Variants in MELK observed in about 807,000 individuals in gnomAD.
MELK encodes the protein maternal embryonic leucine zipper kinase.
Under a neutral mutation model 85.0 loss-of-function variants are expected in MELK, and 81 were observed. The ratio of observed to expected loss-of-function variants is 0.95; its 90% CI spans 0.80 to 1.15. The LOEUF (loss-of-function observed/expected upper bound fraction) is 1.15. MELK is among the 50% of genes most tolerant of loss of function. MELK has a pLI of 0.00. For synonymous variants in MELK, 252 were observed against 265.0 expected, an observed-to-expected ratio of 0.95 and a Z score of 0.48; for missense variants, 754 against 777.5, an observed-to-expected ratio of 0.97 and a Z score of 0.36.
Position 36,599,816 on chromosome 9 carries a change from G to T in MELK, c.567+330G>T, listed in dbSNP as rs376931564. ...AGGTTCCAGGCTCAGTTTCAGAGAT[G>T]CTGGTTAGCACAGAGAAAACCTGTG... On this transcript the variant is annotated intron_variant, in intron 7 of 17. Transcript: ENST00000298048. Among the ~76,000 whole-genome samples, 59 of 152,330 alleles carry T rather than the reference G, an allele frequency of 3.9e-4. No individual in the cohort carries two copies. The South Asian group carries it at 7.9e-3, about 20-fold the overall frequency.
intron 7 of MELK, 137 bp downstream of exon 7, chr9:36,599,623 G>A (rs1425084869): frequency 1.2e-5 from 7 of 562,710 alleles, no homozygotes; most frequent in Non-Finnish European, 1.6e-5. Context: ...CAGTCTATTT[G>A]GAGAGTGAGA....
At chr9:36,592,175 T>TTC (rs1554716269) in intron 4 of MELK, among the ~76,000 whole-genome samples, 1 of 145,338 alleles carries the variant, frequency 6.9e-6, no homozygotes, top group Non-Finnish European at 1.5e-5. Context: ...TTCTTTTCTT[T>TTC]TTTTTTTTTT....
At chr9:36,669,782 G>T (rs1832728345) in intron 15 of MELK, among the ~76,000 whole-genome samples, 1 of 152,154 alleles carries the variant, frequency 6.6e-6, no homozygotes, top group South Asian at 2.1e-4. Context: ...TTGTTTCAAA[G>T]AAAATCCTCT....
At chr9:36,673,480 G>A (rs1282105754) in intron 16 of MELK, among the ~76,000 whole-genome samples, 1 of 152,020 alleles carries the variant, frequency 6.6e-6, no homozygotes, top group East Asian at 1.9e-4. Context: ...CCAGGCTGTG[G>A]TGCAATGGCA....
At chr9:36,584,318 T>C (rs1244876427) in intron 3 of MELK, among the ~76,000 whole-genome samples, 6 of 119,520 alleles carry the variant, frequency 5.0e-5, no homozygotes, top group Non-Finnish European at 1.1e-4. Flanking sequence ...TTTCTTTTCT[T>C]TACTTTTTTT....
At chr9:36,672,972 T>TC (rs1435285186) in intron 16 of MELK, among the ~76,000 whole-genome samples, 1 of 152,242 alleles carries the variant, frequency 6.6e-6, no homozygotes, top group Non-Finnish European at 1.5e-5. Flanking sequence ...TTATTTTTTT[T>TC]CACCTACTTC....
intron 3 of MELK, among the ~76,000 whole-genome samples, chr9:36,588,918 G>C (rs1302791698): frequency 6.6e-6 from 1 of 152,168 alleles, no homozygotes; most frequent in East Asian, 1.9e-4. Flanking sequence ...GAGGCTGAAA[G>C]TGGTAGCTCA....
chr9:36,675,523 T>C (rs1833270132), intron 17 of MELK, among the ~76,000 whole-genome samples: 1 of 152,258 alleles, frequency 6.6e-6, no homozygotes, highest in Admixed American at 6.5e-5. Flanking sequence ...TTTGATTGTC[T>C]GCTTTACAAT....
intron 8 of MELK, among the ~76,000 whole-genome samples, chr9:36,621,112 T>TA (rs1454242015): frequency 2.0e-5 from 3 of 150,382 alleles, no homozygotes; most frequent in Non-Finnish European, 3.0e-5. Context: ...CTACTAAAAA[T>TA]ACAAAAAAAT....
chr9:36,575,483 A>G (rs1384385626), intron 1 of MELK, among the ~76,000 whole-genome samples: 3 of 152,224 alleles, frequency 2.0e-5, no homozygotes, highest in Non-Finnish European at 2.9e-5. Context: ...GTTTTCTCAC[A>G]TTGCAGCAAC....
chr9:36,610,151 T>C (rs1825945243), intron 8 of MELK, among the ~76,000 whole-genome samples: 2 of 152,104 alleles, frequency 1.3e-5, no homozygotes, highest in South Asian at 2.1e-4. Flanking sequence ...AGCTGGACCA[T>C]TGGATCTCTA....
intron 8 of MELK, among the ~76,000 whole-genome samples, chr9:36,615,443 C>T (rs1383821268): frequency 7.1e-6 from 1 of 140,382 alleles, no homozygotes; most frequent in Admixed American, 6.9e-5. Flanking sequence ...AGGCGGGGGG[C>T]TGACCCCCCC....
intron 1 of MELK, among the ~76,000 whole-genome samples, chr9:36,574,557 C>G (rs1006757644): frequency 7.3e-5 from 11 of 150,978 alleles, no homozygotes; most frequent in Non-Finnish European, 1.5e-4. Context: ...GAGCCGAGAT[C>G]TAGCTACTGC....
intron 8 of MELK, among the ~76,000 whole-genome samples, chr9:36,615,854 G>C (rs1029209101): frequency 1.3e-5 from 2 of 150,028 alleles, no homozygotes; most frequent in African/African-American, 4.9e-5. Context: ...GGGCGGAGAC[G>C]CTCCTCACTT....
chr9:36,625,691 C>T (rs918953204), intron 8 of MELK, among the ~76,000 whole-genome samples: 4 of 151,918 alleles, frequency 2.6e-5, no homozygotes, highest in Non-Finnish European at 5.9e-5. Context: ...GAGGCTGAGG[C>T]GGGTGGATCA....
intron 7 of MELK, among the ~76,000 whole-genome samples, chr9:36,602,620 C>G (rs144991449): frequency 0.038 from 5,410 of 140,994 alleles, 287 homozygotes; most frequent in African/African-American, 0.12. Flanking sequence ...AGTGCAATGG[C>G]ATGATCTTGG....
chr9:36,663,609 T>G (rs1396775441), intron 13 of MELK, among the ~76,000 whole-genome samples: 1 of 152,202 alleles, frequency 6.6e-6, no homozygotes, highest in Non-Finnish European at 1.5e-5. Context: ...TAGCACCCAC[T>G]TATGAGTGAG....
chr9:36,665,835 C>A (rs1832288735), intron 14 of MELK, among the ~76,000 whole-genome samples: 1 of 152,208 alleles, frequency 6.6e-6, no homozygotes, highest in Admixed American at 6.5e-5. Flanking sequence ...GATATCAAAG[C>A]TGAAAGGCAA....
intron 8 of MELK, among the ~76,000 whole-genome samples, chr9:36,620,739 C>T (rs900604703): frequency 8.6e-5 from 13 of 151,292 alleles, no homozygotes; most frequent in Non-Finnish European, 1.8e-4. Context: ...TTAGTAGAGA[C>T]GGGGTTTCAC....
Sources: allele counts gnomAD v4.1 joint callset (sites outside exome capture counted in the v4.1 genomes callset), GRCh38; gene constraint gnomAD v4.1.1; transcripts MANE v1.5; gene names NCBI Gene and HGNC (gene_info 2026-07-23, HGNC 2026-07-21).